SLC44A1: variants seen among roughly 807,000 people sequenced by gnomAD.
SLC44A1 encodes the protein choline transporter-like protein 1.
In SLC44A1, 26 loss-of-function variants were observed where a neutral mutation model predicts 79.3. That is an observed-to-expected ratio of 0.33 (90% confidence interval 0.24 to 0.46). The LOEUF (loss-of-function observed/expected upper bound fraction) is 0.46. SLC44A1 is among the 20% of genes least tolerant of loss of function. SLC44A1 has a pLI of 1.00. For missense variants in SLC44A1, 688 were observed against 798.1 expected (o/e 0.86, Z 1.66); for synonymous variants, 263 against 286.2 (o/e 0.92, Z 0.82).
chr9:105,366,420 T>C lies in SLC44A1; in HGVS notation c.1485T>C (p.Tyr495=). The C allele has an allele frequency of 2.7e-6, 4 of 1,457,766 alleles. No homozygotes were observed. The highest frequency in any genetic ancestry group is 1.9e-6 in the Non-Finnish European group (2 of 1,071,428). 90.3% of individuals were successfully genotyped at this position (1,457,766 alleles called of 1,614,324 possible). ...GGTGTCTTGAAAAGTGCCTAAATTA[T>C]TTAAATCAGGTAAAATATTTTAAAA... ...CLWCLEKCLN[Y]LNQNAYTATA... is the part of the protein sequence containing the mutation. The change falls in exon 12 of 16, where the codon TAT becomes TAC. Residue 495 remains tyrosine, a synonymous_variant. Coordinates refer to ENST00000374720, the MANE Select transcript of SLC44A1 (RefSeq NM_080546.5).
At chr9:105,380,562 T>G in intron 13 of SLC44A1, among the ~76,000 whole-genome samples, 1 of 152,170 alleles carries the variant, frequency 6.6e-6, no homozygotes, top group South Asian at 2.1e-4. Context: ...TTACATTTAT[T>G]TATCAAATAT....
intron 1 of SLC44A1, among the ~76,000 whole-genome samples, chr9:105,265,959 C>G (rs1017554506): frequency 9.9e-5 from 15 of 151,470 alleles, no homozygotes; most frequent in African/African-American, 2.9e-4. Context: ...CTCTCTTTCT[C>G]TGTGTGTGTG....
intron 3 of SLC44A1, among the ~76,000 whole-genome samples, chr9:105,315,886 G>A (rs1000328937): frequency 5.9e-5 from 9 of 152,104 alleles, no homozygotes; most frequent in Non-Finnish European, 5.9e-5. Context: ...GCTGTTTACT[G>A]AGTGACTATC....
At chr9:105,344,612 A>G (rs970732520) in intron 4 of SLC44A1, among the ~76,000 whole-genome samples, 16 of 152,236 alleles carry the variant, frequency 1.1e-4, no homozygotes, top group Non-Finnish European at 2.2e-4. Flanking sequence ...TAACACCAAA[A>G]CATAAGATAT....
At position 105,389,403 on chromosome 9, in the gene SLC44A1, A is replaced by T; in HGVS notation, c.*347A>T. ...CTTAGAGGAGATTTTAACTTTATTT[A>T]AAAATAGGTAAAATTATTGTACCTA... On this transcript the variant is annotated 3_prime_UTR_variant, in exon 16 of 16. Transcript: ENST00000374720. 9.6e-7 allele frequency: 1 copy of T among 1,042,842 alleles called. No homozygotes were observed. Among genetic ancestry groups the T allele is most frequent in the Non-Finnish European group, 1.2e-6 (1 of 864,670 alleles). The allele number at this position is 1,042,842 out of a possible 1,614,324, so 64.6% of individuals were successfully genotyped here. A position where few individuals can be genotyped will look rare whatever the true frequency, so the allele number is the denominator to read the frequency against.
chr9:105,414,209 C>T (rs763588474), intron 15 of SLC44A1, among the ~76,000 whole-genome samples: 18 of 152,024 alleles, frequency 1.2e-4, no homozygotes, highest in Admixed American at 2.0e-4. Flanking sequence ...ATTACAGGCA[C>T]GCCCACCATG....
intron 1 of SLC44A1, among the ~76,000 whole-genome samples, chr9:105,266,839 A>G (rs1418822320): frequency 6.6e-6 from 1 of 152,204 alleles, no homozygotes. Context: ...AATATCTACA[A>G]AAAATTTTGC....
At chr9:105,400,339 A>G (rs749866109), downstream of SLC44A1, among the ~76,000 whole-genome samples, 2 of 151,336 alleles carry the variant, frequency 1.3e-5, no homozygotes. Context: ...AAATACAAAA[A>G]TTAGCTGAGT....
At chr9:105,376,193 G>A (rs1017285239) in intron 13 of SLC44A1, among the ~76,000 whole-genome samples, 2 of 151,858 alleles carry the variant, frequency 1.3e-5, no homozygotes, top group Non-Finnish European at 2.9e-5. Context: ...GAAGTGGGTC[G>A]GGTCTCTACA....
intron 3 of SLC44A1, among the ~76,000 whole-genome samples, chr9:105,324,583 C>A (rs1376250806): frequency 2.0e-5 from 3 of 152,056 alleles, no homozygotes; most frequent in Non-Finnish European, 4.4e-5. Context: ...TACTGTCATC[C>A]TTGCTTTTTG....
At chr9:105,375,244 C>T (rs10116656) in intron 13 of SLC44A1, among the ~76,000 whole-genome samples, 15,364 of 152,140 alleles carry the variant, frequency 0.1, 1,978 homozygotes, top group African/African-American at 0.3. Flanking sequence ...TTCCCCATGT[C>T]GGCCAGGCTG....
intron 15 of SLC44A1, among the ~76,000 whole-genome samples, chr9:105,422,766 C>A (rs1023271317): frequency 1.3e-5 from 2 of 152,178 alleles, no homozygotes; most frequent in Non-Finnish European, 2.9e-5. Flanking sequence ...TTCTGGTTTG[C>A]GTGAAGTTGA....
chr9:105,272,156 C>G (rs144846672), intron 1 of SLC44A1, among the ~76,000 whole-genome samples: 1 of 152,294 alleles, frequency 6.6e-6, no homozygotes, highest in African/African-American at 2.4e-5. Context: ...CCAAGAAAAT[C>G]TAGAAGCCTG....
intron 3 of SLC44A1, among the ~76,000 whole-genome samples, chr9:105,333,125 A>G (rs1464323279): frequency 1.3e-5 from 2 of 152,244 alleles, no homozygotes; most frequent in Admixed American, 1.3e-4. Flanking sequence ...TAGAAATATA[A>G]TAGGGATACT....
intron 15 of SLC44A1, among the ~76,000 whole-genome samples, chr9:105,422,980 G>A (rs1829273720): frequency 1.3e-5 from 2 of 152,164 alleles, no homozygotes; most frequent in African/African-American, 4.8e-5. Context: ...TTAGATTTAT[G>A]TCAGGCCCTG....
intron 3 of SLC44A1, among the ~76,000 whole-genome samples, chr9:105,324,905 A>G (rs919428796): frequency 1.3e-5 from 2 of 152,244 alleles, no homozygotes; most frequent in African/African-American, 2.4e-5. Context: ...GCTGCTGGGA[A>G]TGTAAAATAT....
rs565295187 is a variant in SLC44A1, at chr9:105,279,962, A to G, written c.37-19258A>G. Among the ~76,000 whole-genome samples, 29 of 152,360 alleles carry G rather than the reference A, an allele frequency of 1.9e-4. No individual in the cohort carries two copies. In the South Asian group the frequency reaches 6.0e-3, roughly 32 times the overall value. On this transcript the variant is annotated intron_variant, in intron 1 of 15. Transcript: ENST00000374720. ...CATTTATCAAAGCGTCAGCAAATAT[A>G]AAATTAGAAATAACCCTAACAAATA...
chr9:105,297,365 T>C (rs1268170410), intron 1 of SLC44A1, among the ~76,000 whole-genome samples: 1 of 152,184 alleles, frequency 6.6e-6, no homozygotes, highest in African/African-American at 2.4e-5. Flanking sequence ...GAAAATTATG[T>C]GAATATATGC....
At chr9:105,323,105 A>G (rs1826448896) in intron 3 of SLC44A1, among the ~76,000 whole-genome samples, 1 of 150,442 alleles carries the variant, frequency 6.6e-6, no homozygotes, top group South Asian at 2.1e-4. Flanking sequence ...AATCCCAGCC[A>G]CTTGGAAGGC....
Sources: allele counts gnomAD v4.1 joint callset (sites outside exome capture counted in the v4.1 genomes callset), GRCh38; gene constraint gnomAD v4.1.1; transcripts MANE v1.5; gene names NCBI Gene and HGNC (gene_info 2026-07-23, HGNC 2026-07-21).